The following C5orf63 variants were observed in gnomAD, a reference collection of about 807,000 sequenced individuals.
C5orf63 encodes glutaredoxin-like protein C5orf63.
A neutral mutation model predicts 13.3 loss-of-function variants in C5orf63; 18 were observed. The observed-to-expected ratio is 1.36, with a 90% CI of 0.94 to 2.01. The LOEUF (loss-of-function observed/expected upper bound fraction) is 2.01. C5orf63 is among the 30% of genes most tolerant of loss of function. The pLI, the probability that C5orf63 is intolerant of heterozygous loss-of-function variation, is 0.00. For missense variants in C5orf63, 118 were observed against 127.7 expected (o/e 0.92, Z 0.36); for synonymous variants, 38 against 44.7 (o/e 0.85, Z 0.60).
downstream of C5orf63, chr5:127,042,796 GC>G (rs1753435206): frequency 2.6e-5 from 4 of 152,118 alleles, no homozygotes; most frequent in Admixed American, 2.6e-4. Flanking sequence ...ACCCTTAACT[GC>G]CCCCTTATGG....
chr5:127,064,596 C>T (rs1754250339), intron 2 of C5orf63, among the ~76,000 whole-genome samples: 1 of 152,178 alleles, frequency 6.6e-6, no homozygotes, highest in Non-Finnish European at 1.5e-5. Context: ...AGACGCAGCT[C>T]CTCATACCAC....
At chr5:127,060,923 G>A (rs906290975) in intron 2 of C5orf63, among the ~76,000 whole-genome samples, 1 of 152,094 alleles carries the variant, frequency 6.6e-6, no homozygotes, top group Non-Finnish European at 1.5e-5. Flanking sequence ...AGTTCTATAA[G>A]AACAGGTACT....
chr5:127,051,350 T>C lies in C5orf63; in HGVS notation c.*421A>G. ...ATTGACCGTGCACAGTTATTAACAA[T>C]TCACATTTCACTTTATCTACTGAGT... is the stretch of plus-strand genomic sequence containing the variant. On this transcript the variant is annotated 3_prime_UTR_variant, in exon 5 of 5. Coordinates refer to ENST00000296662, the MANE Select transcript of C5orf63 (RefSeq NM_001164478.2). The C allele has an allele frequency of 8.1e-7, 1 of 1,231,756 alleles. No homozygotes were observed. The allele number at this position is 1,231,756 out of a possible 1,614,324, so 76.3% of individuals were successfully genotyped here.
At chr5:127,062,605 G>A (rs1486558271) in intron 2 of C5orf63, among the ~76,000 whole-genome samples, 2 of 152,040 alleles carry the variant, frequency 1.3e-5, no homozygotes, top group Admixed American at 6.6e-5. Context: ...CACTTCAATG[G>A]GAACTCTATA....
downstream of C5orf63, among the ~76,000 whole-genome samples, chr5:127,049,415 C>G (rs1753603418): frequency 2.6e-5 from 4 of 152,166 alleles, no homozygotes; most frequent in South Asian, 8.3e-4. Flanking sequence ...TACTCCCAAT[C>G]CCCATCCATT....
chr5:127,062,735 T>G (rs2126894491), intron 2 of C5orf63, among the ~76,000 whole-genome samples: 1 of 152,332 alleles, frequency 6.6e-6, no homozygotes, highest in Admixed American at 6.5e-5. Context: ...TCTGTCAATG[T>G]GACATTTTCA....
At chr5:127,044,769 C>CCTTTTTT (rs1561485844), downstream of C5orf63, 1 of 127,908 alleles carries the variant, frequency 7.8e-6, no homozygotes. Flanking sequence ...TCATTCTATG[C>CCTTTTTT]TTTTTTTTTT....
intron 2 of C5orf63, among the ~76,000 whole-genome samples, chr5:127,060,841 C>T (rs201649866): frequency 6.6e-5 from 10 of 152,338 alleles, no homozygotes; most frequent in African/African-American, 2.4e-4. Flanking sequence ...ACTCCCCACC[C>T]TCACATCTTG....
At chr5:127,052,438 T>G (rs1324161861) in intron 4 of C5orf63, 175 bp downstream of exon 4, 2 of 444,546 alleles carry the variant, frequency 4.5e-6, no homozygotes, top group Middle Eastern at 3.4e-4. Flanking sequence ...GGAAAACACT[T>G]AGGTGTAATG....
intron 2 of C5orf63, among the ~76,000 whole-genome samples, chr5:127,069,566 T>C (rs1369657446): frequency 6.6e-6 from 1 of 152,226 alleles, no homozygotes; most frequent in East Asian, 1.9e-4. Flanking sequence ...AAAAGATGTT[T>C]CATTCATTGC....
intron 3 of C5orf63, among the ~76,000 whole-genome samples, chr5:127,055,305 C>T (rs1281357380): frequency 1.3e-5 from 2 of 152,136 alleles, no homozygotes; most frequent in Non-Finnish European, 2.9e-5. Context: ...CCAAGACAAT[C>T]CTAAGCAAAA....
chr5:127,059,133 G>A (rs2126889912), intron 2 of C5orf63, 131 bp from the exon 3 acceptor site: 1 of 643,956 alleles, frequency 1.6e-6, no homozygotes, highest in African/African-American at 1.8e-5. Context: ...CAGGAGTGTT[G>A]GAAAGACCTA....
chr5:127,052,993 C>CTA lies in C5orf63; in HGVS notation c.115-326_115-325dup, dbSNP rs1753741568. 1.3e-5 allele frequency among the ~76,000 whole-genome samples: 2 copies of CTA among 152,064 alleles called. 1 individual carries two copies. Among genetic ancestry groups the CTA allele is most frequent in the Admixed American group, 1.3e-4 (2 of 15,270 alleles). On this transcript the variant is annotated intron_variant, in intron 3 of 4. Transcript: ENST00000296662. Reference sequence around the variant, plus strand: ...CACTGATCTAAGGGCTTTGTCCTTCCTAGGTCAGGTGCACCCTTGTGGCCT... The same window carrying CTA: ...CACTGATCTAAGGGCTTTGTCCTTCCTATAGGTCAGGTGCACCCTTGTGGCCT...
rs1297532780 is a variant in C5orf63 at position 127,051,410 on chromosome 5, C to T, written c.*361G>A. 1.6e-6 allele frequency: 2 copies of T among 1,232,448 alleles called. No individual in the cohort carries two copies. Among genetic ancestry groups the T allele is most frequent in the African/African-American group, 1.6e-5 (1 of 64,392 alleles). 76.3% of individuals were successfully genotyped at this position (1,232,448 alleles called of 1,614,324 possible). ...TTTATTCTTTCATTAAAAAGTTAAG[C>T]CCTCCGGGGCAGCAGCAGGAATGCA... On this transcript the variant is annotated 3_prime_UTR_variant, in exon 5 of 5. Transcript: ENST00000296662.
intron 3 of C5orf63, among the ~76,000 whole-genome samples, chr5:127,054,518 G>C (rs1753802660): frequency 6.6e-6 from 1 of 152,182 alleles, no homozygotes; most frequent in South Asian, 2.1e-4. Flanking sequence ...GTGTCTGTTG[G>C]CTGCATAAAT....
rs1753666899 is a variant in C5orf63 at position 127,051,369 on chromosome 5, A to G, written c.*402T>C. The G allele has an allele frequency of 8.1e-7, 1 of 1,231,854 alleles. No individual in the cohort carries two copies. The highest frequency in any genetic ancestry group is 1.6e-5 in the African/African-American group (1 of 64,388). 76.3% of individuals were successfully genotyped at this position (1,231,854 alleles called of 1,614,324 possible). On this transcript the variant is annotated 3_prime_UTR_variant, in exon 5 of 5. Coordinates refer to ENST00000296662, the MANE Select transcript of C5orf63 (RefSeq NM_001164478.2). Reference sequence around the variant, plus strand: ...TAACAATTCACATTTCACTTTATCTACTGAGTGGAAGAGCATTTATTCTTT... The same window carrying G: ...TAACAATTCACATTTCACTTTATCTGCTGAGTGGAAGAGCATTTATTCTTT...
exon 5 of C5orf63, chr5:127,046,257 A>G (rs1753518776): frequency 6.6e-6 from 1 of 152,256 alleles, no homozygotes; most frequent in South Asian, 2.1e-4. Context: ...CAGGGAATAA[A>G]AAGTATCAGA....
At chr5:127,069,766 T>A (rs1257561518) in intron 2 of C5orf63, among the ~76,000 whole-genome samples, 2 of 152,162 alleles carry the variant, frequency 1.3e-5, no homozygotes, top group Non-Finnish European at 2.9e-5. Flanking sequence ...ATCTTTTGAG[T>A]CCTATTCTGT....
chr5:127,064,431 C>G (rs1441229798), intron 2 of C5orf63, among the ~76,000 whole-genome samples: 2 of 152,256 alleles, frequency 1.3e-5, no homozygotes, highest in East Asian at 3.9e-4. Context: ...AATGTTGCAA[C>G]AAAGATCCTG....
Sources: gnomAD v4.1 joint callset for allele counts (sites outside exome capture counted in the v4.1 genomes callset) on GRCh38, gnomAD v4.1.1 for gene constraint, MANE v1.5 for transcripts, NCBI Gene and HGNC (gene_info 2026-07-23, HGNC 2026-07-21) for gene names.